Variants in MGAT1 observed in about 807,000 individuals in gnomAD.
MGAT1 encodes alpha-1,3-mannosyl-glycoprotein 2-beta-N-acetylglucosaminyltransferase, also known as N-glycosyl-oligosaccharide-glycoprotein N-acetylglucosaminyltransferase I.
In MGAT1, 14 loss-of-function variants were observed where a neutral mutation model predicts 31.7. That is an observed-to-expected ratio of 0.44 (90% CI 0.29 to 0.69). The LOEUF (loss-of-function observed/expected upper bound fraction) is 0.69. Among genes scored for constraint, MGAT1 ranks in the 30% least tolerant of loss-of-function variants. The pLI is 0.12. For synonymous variants in MGAT1, 338 were observed against 276.0 expected (o/e 1.22, Z -2.23); for missense variants, 557 against 626.0 (o/e 0.89, Z 1.18).
At chr5:180,802,364 C>T (rs1313307432) in intron 1 of MGAT1, among the ~76,000 whole-genome samples, 1 of 152,204 alleles carries the variant, frequency 6.6e-6, no homozygotes, top group African/African-American at 2.4e-5. Context: ...CAATCCCACC[C>T]CCTCCCTGCC....
Position 180,788,353 on chromosome 5 carries a change from C to T in MGAT1, c.*3281G>A, listed in dbSNP as rs1767722517. 6.6e-6 allele frequency: 1 copy of T among 152,458 alleles called. No individual in the cohort carries two copies. Among genetic ancestry groups the T allele is most frequent in the Non-Finnish European group, 1.5e-5 (1 of 68,220 alleles). 9.4% of individuals were successfully genotyped at this position (152,458 alleles called of 1,614,324 possible). ...CCTCCCGCCATCTCTCCTGGACCTCCCCGAGCCACGCAGCCCCCTCTTCCT... is the reference window on the plus strand; with the variant it reads ...CCTCCCGCCATCTCTCCTGGACCTCTCCGAGCCACGCAGCCCCCTCTTCCT... On this transcript the variant is annotated 3_prime_UTR_variant, in exon 2 of 2. Transcript: ENST00000307826.
upstream of MGAT1, chr5:180,802,912 G>T (rs578240050): frequency 4.0e-5 from 5 of 126,124 alleles, no homozygotes; most frequent in African/African-American, 1.2e-4. Context: ...GCCGCGCCCC[G>T]CCCCCCGGCC....
chr5:180,799,924 T>C (rs904731468), intron 1 of MGAT1, among the ~76,000 whole-genome samples: 1 of 152,062 alleles, frequency 6.6e-6, no homozygotes, highest in Non-Finnish European at 1.5e-5. Context: ...AGGACCCCCA[T>C]AGGTATTCCA....
chr5:180,791,593 C>A lies in MGAT1; in HGVS notation c.*41G>T. The A allele has an allele frequency of 1.3e-6, 2 of 1,597,808 alleles. No individual in the cohort carries two copies. Among genetic ancestry groups the A allele is most frequent in the South Asian group, 1.1e-5 (1 of 88,862 alleles). Reference sequence around the variant, plus strand: ...TGGGGACTGTGGTCCCACCTCAGCTCATGATGTGGCAAGGAGGGGCCCAGG... The same window carrying A: ...TGGGGACTGTGGTCCCACCTCAGCTAATGATGTGGCAAGGAGGGGCCCAGG... On this transcript the variant is annotated 3_prime_UTR_variant, in exon 2 of 2. Transcript: ENST00000307826.
intron 1 of MGAT1, chr5:180,809,788 CACACACATCCATTCTCTCTCTCA>C (rs1489897391): frequency 6.7e-6 from 1 of 148,764 alleles, no homozygotes; most frequent in Non-Finnish European, 1.5e-5. Context: ...TTCGTAAACA[CACACACATCCATTCTCTCTCTCA>C]ACACACATCC....
At chr5:180,814,465 C>T (rs1291270538) in intron 1 of MGAT1, among the ~76,000 whole-genome samples, 3 of 152,210 alleles carry the variant, frequency 2.0e-5, no homozygotes, top group Admixed American at 6.5e-5. Context: ...GCAGGCTTCT[C>T]CCTTTTCTCT....
chr5:180,794,464 G>A (rs568387461), intron 1 of MGAT1, among the ~76,000 whole-genome samples: 1 of 150,182 alleles, frequency 6.7e-6, no homozygotes, highest in East Asian at 1.9e-4. Flanking sequence ...ACAACTGCGT[G>A]GTACTGGTAC....
intron 1 of MGAT1, among the ~76,000 whole-genome samples, chr5:180,796,503 CCATA>C (rs1769401494): frequency 6.6e-6 from 1 of 152,204 alleles, no homozygotes; most frequent in South Asian, 2.1e-4. Flanking sequence ...CCAGCTGGGG[CCATA>C]CAGATGGATG....
chr5:180,814,864 C>T lies in MGAT1; in HGVS notation c.-546+550G>A, dbSNP rs570452255. On this transcript the variant is annotated intron_variant, in intron 1 of 2. Transcript: ENST00000333055. ...CTGAGGCAGGAGAATCGCTTGAACC[C>T]GGGGGGGCGGTGGTTGCAGTGAGCT... Among the ~76,000 whole-genome samples, 36 of 150,838 alleles carry T rather than the reference C, an allele frequency of 2.4e-4. 1 individual carries two copies. Among genetic ancestry groups the T allele is most frequent in the Admixed American group, 1.5e-3 (22 of 15,122 alleles).
At chr5:180,807,330 C>T (rs1772000143), upstream of MGAT1, among the ~76,000 whole-genome samples, 2 of 152,150 alleles carry the variant, frequency 1.3e-5, no homozygotes, top group Non-Finnish European at 2.9e-5. Context: ...CTGTGCTCTA[C>T]CCCTCCTTTC....
At chr5:180,815,006 G>C (rs1301035184) in intron 1 of MGAT1, among the ~76,000 whole-genome samples, 1 of 151,998 alleles carries the variant, frequency 6.6e-6, no homozygotes, top group Non-Finnish European at 1.5e-5. Flanking sequence ...TATAAGGAAA[G>C]GGAATTTATT....
At chr5:180,807,021 G>GAGC (rs1771969138), upstream of MGAT1, among the ~76,000 whole-genome samples, 1 of 152,226 alleles carries the variant, frequency 6.6e-6, no homozygotes, top group Admixed American at 6.5e-5. Flanking sequence ...TACAGCTCGG[G>GAGC]AGCAGCAGCT....
chr5:180,796,860 C>A (rs899385020), intron 1 of MGAT1, among the ~76,000 whole-genome samples: 1 of 152,178 alleles, frequency 6.6e-6, no homozygotes, highest in Admixed American at 6.5e-5. Context: ...GATCCACCCT[C>A]CTCAGCCTCC....
chr5:180,787,578 C>T lies in MGAT1; in HGVS notation c.*4056G>A, dbSNP rs1767653943. The T allele has an allele frequency of 6.6e-6, 1 of 152,188 alleles. No individual in the cohort carries two copies. Among genetic ancestry groups the T allele is most frequent in the Admixed American group, 6.5e-5 (1 of 15,270 alleles). The allele number at this position is 152,188 out of a possible 1,614,324, so 9.4% of individuals were successfully genotyped here. On this transcript the variant is annotated 3_prime_UTR_variant, in exon 2 of 2. Coordinates refer to ENST00000307826, the MANE Select transcript of MGAT1 (RefSeq NM_002406.4). ...GAAGACGTCTGGAAGGATACACCAC[C>T]CACGCGTAAACACACGTTAAGGGAG...
chr5:180,811,552 C>T (rs1246449466), intron 1 of MGAT1, among the ~76,000 whole-genome samples: 2 of 152,078 alleles, frequency 1.3e-5, no homozygotes, highest in Non-Finnish European at 2.9e-5. Context: ...TCTACACAAT[C>T]TGACTAGAAA....
At position 180,791,732 on chromosome 5, in the gene MGAT1, C is replaced by T; in HGVS notation, c.1240G>A (p.Ala414Thr). 6.2e-7 allele frequency: 1 copy of T among 1,612,322 alleles called. No individual in the cohort carries two copies. Among genetic ancestry groups the T allele is most frequent in the Non-Finnish European group, 8.5e-7 (1 of 1,178,322 alleles). ...AAGGTGACAATACCCCGGTAGCCAG[C>T]TCTCGGAACCCCCGACTTAAGGTCA... is the stretch of plus-strand genomic sequence containing the variant. ...MDDLKSGVPR[A>T]GYRGIVTFQF... is the part of the protein sequence containing the mutation. Residue 414 changes from alanine to threonine, a missense_variant, in exon 2 of 2, where the codon GCT (alanine) becomes ACT (threonine). Around this residue, in one of 3 missense-constraint regions of MGAT1, gnomAD observed 145 missense variants for 143.2 expected, o/e 1.01. Coordinates refer to ENST00000307826, the MANE Select transcript of MGAT1 (RefSeq NM_002406.4).
intron 1 of MGAT1, among the ~76,000 whole-genome samples, chr5:180,802,377 G>A (rs1167454804): frequency 1.3e-5 from 2 of 151,824 alleles, no homozygotes; most frequent in African/African-American, 4.8e-5. Context: ...TCCCTGCCCC[G>A]CACGCACGGA....
upstream of MGAT1, among the ~76,000 whole-genome samples, chr5:180,804,136 CACGGGCCAAACCCTCCCTCGGCCTG>C (rs6149380): frequency 0.12 from 18,921 of 152,212 alleles, 1,241 homozygotes; most frequent in East Asian, 0.24. Context: ...TGAGGGGCCT[CACGGGCCAAACCCTCCCTCGGCCTG>C]TCCTTCAAGC....
At chr5:180,806,141 C>T (rs770450073), upstream of MGAT1, among the ~76,000 whole-genome samples, 26 of 152,054 alleles carry the variant, frequency 1.7e-4, no homozygotes, top group Non-Finnish European at 3.1e-4. Context: ...AAAAAATTAG[C>T]CGGGCGTGGT....
Sources: allele counts gnomAD v4.1 joint callset (sites outside exome capture counted in the v4.1 genomes callset), GRCh38; gene constraint gnomAD v4.1.1; regional missense constraint gnomAD v4.1.1; transcripts MANE v1.5; gene names NCBI Gene and HGNC (gene_info 2026-07-23, HGNC 2026-07-21).